Variants in SAP30BP observed in about 807,000 individuals in gnomAD.
SAP30BP encodes SAP30 binding protein, also known as SAP30-binding protein.
In SAP30BP, 31 loss-of-function variants were observed where a neutral mutation model predicts 46.3. That is an observed-to-expected ratio of 0.67 (90% CI 0.50 to 0.90). SAP30BP has a LOEUF of 0.90. Ranked by LOEUF, SAP30BP falls within the 40% of genes least tolerant of loss-of-function variation. The pLI is 0.00. For synonymous variants in SAP30BP, 169 were observed against 144.2 expected (o/e 1.17, Z -1.23); for missense variants, 312 against 391.0 (o/e 0.80, Z 1.70).
chr17:75,690,756 A>T (rs1276761360), intron 3 of SAP30BP: 3 of 456,584 alleles, frequency 6.6e-6, no homozygotes, highest in African/African-American at 6.0e-5. Flanking sequence ...GAAGAATCAC[A>T]TTCTAAACAT....
At chr17:75,692,366 A>G (rs755800069) in intron 3 of SAP30BP, 8 of 985,432 alleles carry the variant, frequency 8.1e-6, no homozygotes, top group Non-Finnish European at 9.6e-6. Flanking sequence ...TTCCTGTCTC[A>G]TCTCCTCCCT....
At chr17:75,692,447 G>C (rs1213441419) in intron 3 of SAP30BP, 2 of 985,360 alleles carry the variant, frequency 2.0e-6, no homozygotes, top group Non-Finnish European at 2.4e-6. Context: ...TTTTGATGAT[G>C]AGCACGTGTG....
At chr17:75,668,995 A>G (rs2059862911) in intron 2 of SAP30BP, among the ~76,000 whole-genome samples, 1 of 152,092 alleles carries the variant, frequency 6.6e-6, no homozygotes, top group South Asian at 2.1e-4. Flanking sequence ...CATTATTTTT[A>G]ATCTTGGTTG....
intron 8 of SAP30BP, among the ~76,000 whole-genome samples, chr17:75,704,236 ATGTTC>A (rs908483497): frequency 2.0e-5 from 3 of 152,148 alleles, no homozygotes; most frequent in African/African-American, 7.2e-5. Flanking sequence ...TGTAGGCAGA[ATGTTC>A]TGAGGCCAGT....
At chr17:75,670,526 T>A (rs928169956) in intron 2 of SAP30BP, among the ~76,000 whole-genome samples, 2 of 147,620 alleles carry the variant, frequency 1.4e-5, no homozygotes, top group Non-Finnish European at 3.0e-5. Context: ...CTCTTTTCTT[T>A]AGTACGTTTG....
At chr17:75,690,567 C>A in intron 3 of SAP30BP, 1 of 411,124 alleles carries the variant, frequency 2.4e-6, no homozygotes, top group South Asian at 1.8e-5. Flanking sequence ...GTCAGGCCCA[C>A]CTCAGCCTCT....
At chr17:75,695,872 A>G (rs966682534) in intron 4 of SAP30BP, among the ~76,000 whole-genome samples, 14 of 152,134 alleles carry the variant, frequency 9.2e-5, no homozygotes, top group Admixed American at 8.5e-4. Flanking sequence ...GCAGATGCCC[A>G]CGGCTGAGCC....
chr17:75,705,627 T>G, intron 9 of SAP30BP: 1 of 1,059,692 alleles, frequency 9.4e-7, no homozygotes, highest in Non-Finnish European at 1.1e-6. Flanking sequence ...TGCAGGGACG[T>G]GTCTGCAGCG....
intron 5 of SAP30BP, chr17:75,700,228 C>T (rs2060387277): frequency 6.0e-6 from 1 of 166,476 alleles, no homozygotes; most frequent in African/African-American, 2.4e-5. Context: ...GAGGAACCCT[C>T]AGAATGTAAA....
chr17:75,675,406 C>T (rs576100890), intron 3 of SAP30BP, among the ~76,000 whole-genome samples: 1 of 152,294 alleles, frequency 6.6e-6, no homozygotes, highest in South Asian at 2.1e-4. Context: ...ACCTCAGCCT[C>T]CCAAAGTGCT....
At chr17:75,685,136 C>T (rs1206009662) in intron 3 of SAP30BP, among the ~76,000 whole-genome samples, 1 of 152,192 alleles carries the variant, frequency 6.6e-6, no homozygotes, top group African/African-American at 2.4e-5. Flanking sequence ...CTGGTACACC[C>T]TCCCATCAGC....
At chr17:75,702,207 G>C (rs1377079968) in intron 5 of SAP30BP, among the ~76,000 whole-genome samples, 1 of 152,134 alleles carries the variant, frequency 6.6e-6, no homozygotes, top group East Asian at 1.9e-4. Flanking sequence ...TGTATTTTTA[G>C]TAGAGATGGG....
chr17:75,682,272 C>T (rs2060088172), intron 3 of SAP30BP, among the ~76,000 whole-genome samples: 1 of 151,724 alleles, frequency 6.6e-6, no homozygotes, highest in South Asian at 2.1e-4. Flanking sequence ...GCAGTCTCCA[C>T]CTCCTTGGTT....
intron 3 of SAP30BP, among the ~76,000 whole-genome samples, chr17:75,680,135 C>A (rs188073507): frequency 6.6e-6 from 1 of 152,004 alleles, no homozygotes; most frequent in African/African-American, 2.4e-5. Flanking sequence ...CTGGGATCGC[C>A]GGCCTCCCTG....
At chr17:75,683,352 T>A (rs569428055) in intron 3 of SAP30BP, among the ~76,000 whole-genome samples, 343 of 151,428 alleles carry the variant, frequency 2.3e-3, no homozygotes, top group African/African-American at 7.7e-3. Flanking sequence ...TGGTAAAAAA[T>A]AATAATAATA....
intron 4 of SAP30BP, among the ~76,000 whole-genome samples, chr17:75,694,425 G>A (rs184319731): frequency 2.6e-4 from 40 of 152,328 alleles, no homozygotes; most frequent in African/African-American, 8.4e-4. Flanking sequence ...ACACGGTAAC[G>A]CTGAGCAGCC....
intron 4 of SAP30BP, among the ~76,000 whole-genome samples, chr17:75,698,926 C>T (rs988460046): frequency 1.3e-5 from 2 of 152,218 alleles, no homozygotes; most frequent in African/African-American, 4.8e-5. Context: ...GGCACAGTGG[C>T]TCATACCCAT....
chr17:75,699,914 G>C (rs368515585), intron 5 of SAP30BP, 43 bp downstream of exon 5: 102 of 1,410,116 alleles, frequency 7.2e-5, no homozygotes, highest in Non-Finnish European at 1.0e-4. Context: ...AGATTAGATA[G>C]CCTGGGTTAC....
In SAP30BP at chr17:75,671,864, GTATT is replaced by G; in HGVS notation, c.264+3_264+6del. 4 of 1,612,820 alleles carry G rather than the reference GTATT, an allele frequency of 2.5e-6. No individual in the cohort carries two copies. The highest frequency in any genetic ancestry group is 3.4e-6 in the Non-Finnish European group (4 of 1,178,844). ...AAAACCTGAGGCTGATGACCCAAAG[GTATT>G]TGGTGTTGGCTGTGGTGGGTGGCTG... On this transcript the variant is annotated splice_donor_variant and splice_donor_5th_base_variant and intron_variant, in intron 3 of 10. Coordinates refer to ENST00000584667, the MANE Select transcript of SAP30BP (RefSeq NM_013260.8). LOFTEE classifies it high-confidence loss of function.
Sources: allele counts gnomAD v4.1 joint callset (sites outside exome capture counted in the v4.1 genomes callset), GRCh38; gene constraint gnomAD v4.1.1; transcripts MANE v1.5; gene names NCBI Gene and HGNC (gene_info 2026-07-23, HGNC 2026-07-21).